ATP1B1: variants seen among roughly 807,000 people sequenced by gnomAD.
The protein encoded by ATP1B1 is ATPase Na+/K+ transporting subunit beta 1, also known as sodium/potassium-transporting ATPase subunit beta-1.
Under a neutral mutation model 39.6 loss-of-function variants are expected in ATP1B1, and 3 were observed. The observed-to-expected ratio is 0.08, with a 90% CI of 0.03 to 0.20. ATP1B1 has a LOEUF of 0.20. Ranked by LOEUF, ATP1B1 falls within the 10% of genes least tolerant of loss-of-function variation. The probability of loss-of-function intolerance (pLI) is 1.00; values close to 1 mark genes in which losing one functional copy is unlikely to be tolerated. For synonymous variants in ATP1B1, 139 were observed against 135.0 expected, an observed-to-expected ratio of 1.03 and a Z score of -0.20; for missense variants, 216 against 371.1, an observed-to-expected ratio of 0.58 and a Z score of 3.43.
At chr1:169,113,401 A>C (rs1487845153) in intron 2 of ATP1B1, among the ~76,000 whole-genome samples, 1 of 152,140 alleles carries the variant, frequency 6.6e-6, no homozygotes, top group African/African-American at 2.4e-5. Flanking sequence ...CTCAAAGCCA[A>C]ATACGACTAC....
At chr1:169,114,081 C>T (rs535549740) in intron 2 of ATP1B1, among the ~76,000 whole-genome samples, 179 of 150,620 alleles carry the variant, frequency 1.2e-3, no homozygotes, top group Non-Finnish European at 2.2e-3. Context: ...AGAGTGCCGG[C>T]TGCCACAAAG....
rs145356218 is a variant in ATP1B1, at chr1:169,127,381, C to T, written c.540C>T (p.Leu180=). ...KEGKPCIIIK[L]NRVLGFKPKP... is the part of the protein sequence containing the mutation. ...GCAAACCGTGCATTATTATAAAGCT[C>T]AACCGAGTTCTAGGCTTCAAACCTA... is the stretch of plus-strand genomic sequence containing the variant. Residue 180 remains leucine, a synonymous_variant, in exon 4 of 6, where the codon CTC becomes CTT. Coordinates refer to ENST00000367815, the MANE Select transcript of ATP1B1 (RefSeq NM_001677.4). 172 of 1,611,584 alleles carry T rather than the reference C, an allele frequency of 1.1e-4. No individual in the cohort carries two copies. Among genetic ancestry groups the T allele is most frequent in the Non-Finnish European group, 1.4e-4 (165 of 1,179,416 alleles).
chr1:169,107,193 C>T (rs966238371), intron 1 of ATP1B1, among the ~76,000 whole-genome samples: 10 of 152,154 alleles, frequency 6.6e-5, no homozygotes, highest in Admixed American at 1.3e-4. Context: ...TGGTAATTTG[C>T]AGTCTTTCCT....
chr1:169,114,645 G>A (rs1164441064), intron 2 of ATP1B1, among the ~76,000 whole-genome samples: 1 of 152,196 alleles, frequency 6.6e-6, no homozygotes, highest in Non-Finnish European at 1.5e-5. Flanking sequence ...CAGAATGGAA[G>A]TGAAATGTAA....
intron 2 of ATP1B1, among the ~76,000 whole-genome samples, chr1:169,114,027 G>A (rs1040205502): frequency 2.0e-5 from 3 of 151,876 alleles, no homozygotes; most frequent in Non-Finnish European, 4.4e-5. Context: ...ACCTTGATCA[G>A]GCCAGGCCAG....
chr1:169,111,948 A>G (rs1657739141), intron 2 of ATP1B1, among the ~76,000 whole-genome samples: 1 of 152,194 alleles, frequency 6.6e-6, no homozygotes, highest in Non-Finnish European at 1.5e-5. Context: ...TCCTGTTTTA[A>G]AAGGTGAACT....
intron 2 of ATP1B1, among the ~76,000 whole-genome samples, chr1:169,121,058 G>A (rs777268406): frequency 2.0e-5 from 3 of 149,628 alleles, no homozygotes; most frequent in Non-Finnish European, 4.4e-5. Flanking sequence ...AGCGATTCTC[G>A]TGCCTCAGCC....
intron 2 of ATP1B1, among the ~76,000 whole-genome samples, chr1:169,117,768 G>A (rs1182722846): frequency 6.6e-6 from 1 of 152,230 alleles, no homozygotes; most frequent in Non-Finnish European, 1.5e-5. Context: ...CTGATGACCA[G>A]CTGGTCTGTC....
At position 169,124,307 on chromosome 1, in the gene ATP1B1, C is replaced by CT. The variant is rs375142908; in HGVS notation, c.227-575dup. On this transcript the variant is annotated intron_variant, in intron 2 of 5. Transcript: ENST00000367815. ...GGTTACTGCATGTATGTCCCAAATTCTTCCCGTTTAGTTTAAAAGATCCAA... is the reference window on the plus strand; with the variant it reads ...GGTTACTGCATGTATGTCCCAAATTCTTTCCCGTTTAGTTTAAAAGATCCAA... 3.6e-3 allele frequency among the ~76,000 whole-genome samples: 550 copies of CT among 152,328 alleles called. 1 individual carries two copies. The highest frequency in any genetic ancestry group is 0.013 in the African/African-American group (522 of 41,564).
chr1:169,127,276 G>A lies in ATP1B1; in HGVS notation c.435G>A (p.Glu145=). 6.2e-7 allele frequency: 1 copy of A among 1,605,770 alleles called. No homozygotes were observed. The highest frequency in any genetic ancestry group is 8.5e-7 in the Non-Finnish European group (1 of 1,177,350). ...GAGACTTTAATCATGAACGAGGAGA[G>A]CGAAAGGTCTGCAGATTCAAGCTTG... The part of the protein sequence containing the change: ...ERGDFNHERG[E]RKVCRFKLEW... Residue 145 remains glutamate, a synonymous_variant, in exon 4 of 6, where the codon GAG becomes GAA. Coordinates refer to ENST00000367815, the MANE Select transcript of ATP1B1 (RefSeq NM_001677.4).
intron 1 of ATP1B1, among the ~76,000 whole-genome samples, chr1:169,107,135 C>T (rs1657613257): frequency 6.6e-6 from 1 of 152,198 alleles, no homozygotes; most frequent in Admixed American, 6.5e-5. Flanking sequence ...AGGGTCGGGG[C>T]TGGAACACGA....
intron 2 of ATP1B1, among the ~76,000 whole-genome samples, chr1:169,117,062 A>G (rs1292966398): frequency 6.6e-6 from 1 of 152,172 alleles, no homozygotes; most frequent in Non-Finnish European, 1.5e-5. Flanking sequence ...AATTAGAAAC[A>G]TTTGGCTTCC....
chr1:169,122,136 T>C (rs1657990940), intron 2 of ATP1B1, among the ~76,000 whole-genome samples: 1 of 152,216 alleles, frequency 6.6e-6, no homozygotes, highest in Non-Finnish European at 1.5e-5. Context: ...GCCTGAGCGA[T>C]GCACAGGCAT....
At position 169,127,272 on chromosome 1, in the gene ATP1B1, G is replaced by C. The variant is rs1163084382; in HGVS notation, c.431G>C (p.Gly144Ala). 2.5e-6 allele frequency: 4 copies of C among 1,601,124 alleles called. No individual in the cohort carries two copies. Among genetic ancestry groups the C allele is most frequent in the Non-Finnish European group, 3.4e-6 (4 of 1,176,192 alleles). Reference protein sequence around the residue: ...KERGDFNHERGERKVCRFKLE... With the variant: ...KERGDFNHERAERKVCRFKLE... ...CGAGGAGACTTTAATCATGAACGAGGAGAGCGAAAGGTCTGCAGATTCAAG... is the reference window on the plus strand; with the variant it reads ...CGAGGAGACTTTAATCATGAACGAGCAGAGCGAAAGGTCTGCAGATTCAAG... The change falls in exon 4 of 6, where the codon GGA (glycine) becomes GCA (alanine). Residue 144 changes from glycine (G) to alanine (A), a missense_variant. By Grantham distance (60) the Gly-to-Ala change is moderately conservative (BLOSUM62 0). Coordinates refer to ENST00000367815, the MANE Select transcript of ATP1B1 (RefSeq NM_001677.4).
At chr1:169,113,990 C>T (rs1002526983) in intron 2 of ATP1B1, among the ~76,000 whole-genome samples, 1 of 151,934 alleles carries the variant, frequency 6.6e-6, no homozygotes, top group Non-Finnish European at 1.5e-5. Flanking sequence ...TACCAAGGGA[C>T]ATGACATTCA....
At chr1:169,113,430 C>G (rs1657769141) in intron 2 of ATP1B1, among the ~76,000 whole-genome samples, 1 of 151,774 alleles carries the variant, frequency 6.6e-6, no homozygotes, top group Non-Finnish European at 1.5e-5. Context: ...ATATTTTCTT[C>G]AGGAAATTTC....
intron 2 of ATP1B1, among the ~76,000 whole-genome samples, chr1:169,114,047 G>A (rs1217634428): frequency 6.6e-6 from 1 of 151,342 alleles, no homozygotes; most frequent in Non-Finnish European, 1.5e-5. Flanking sequence ...GCAGAGTGCC[G>A]AACCTTGATC....
chr1:169,130,764 A>C (rs1557953659), intron 5 of ATP1B1, among the ~76,000 whole-genome samples: 2 of 130,668 alleles, frequency 1.5e-5, no homozygotes, highest in Admixed American at 9.0e-5. Context: ...GCCTGGGGAC[A>C]GAGCAAGACT....
rs146676091 is a variant in ATP1B1, at chr1:169,108,708, A to G, written c.97+1782A>G. Among the ~76,000 whole-genome samples, 358 of 152,294 alleles carry G rather than the reference A, an allele frequency of 2.4e-3. 2 individuals carry two copies. Among genetic ancestry groups the G allele is most frequent in the African/African-American group, 7.8e-3 (326 of 41,558 alleles). The stretch of plus-strand genomic sequence containing the variant: ...GGGCAGCACCTCCATGAGAGAGAGA[A>G]AGAGAGACCGTGTGTGTCAATTTTT... On this transcript the variant is annotated intron_variant, in intron 1 of 5. Transcript: ENST00000367815.
Sources: gnomAD v4.1 joint callset for allele counts (sites outside exome capture counted in the v4.1 genomes callset) on GRCh38, gnomAD v4.1.1 for gene constraint, MANE v1.5 for transcripts, NCBI Gene and HGNC (gene_info 2026-07-23, HGNC 2026-07-21) for gene names.